The following NKAIN2 variants were observed in gnomAD, a reference collection of about 807,000 sequenced individuals.
NKAIN2 encodes sodium/potassium transporting ATPase interacting 2, also known as sodium/potassium-transporting ATPase subunit beta-1-interacting protein 2.
NKAIN2 carries 14 observed loss-of-function variants against 32.6 expected under a neutral mutation model. The observed-to-expected ratio is 0.43, with a 90% CI of 0.28 to 0.67. NKAIN2 has a LOEUF of 0.67. NKAIN2 is among the 30% of genes least tolerant of loss of function. The pLI is 0.17. For synonymous variants in NKAIN2, 80 were observed against 87.2 expected, an observed-to-expected ratio of 0.92 and a Z score of 0.46; for missense variants, 198 against 258.3, an observed-to-expected ratio of 0.77 and a Z score of 1.60.
At chr6:124,139,825 G>C (rs1787046865) in intron 1 of NKAIN2, among the ~76,000 whole-genome samples, 1 of 152,098 alleles carries the variant, frequency 6.6e-6, no homozygotes, top group South Asian at 2.1e-4. Flanking sequence ...GGGAGAAGAA[G>C]GATATTTATT....
intron 4 of NKAIN2, among the ~76,000 whole-genome samples, chr6:124,661,495 T>A (rs1429081218): frequency 6.6e-6 from 1 of 152,220 alleles, no homozygotes; most frequent in Non-Finnish European, 1.5e-5. Flanking sequence ...AACTCCTGGC[T>A]GATTCTGAAA....
chr6:124,154,920 A>G (rs1787906805), intron 1 of NKAIN2, among the ~76,000 whole-genome samples: 1 of 152,122 alleles, frequency 6.6e-6, no homozygotes, highest in Non-Finnish European at 1.5e-5. Flanking sequence ...AGAGATATAT[A>G]TGAAAATGTG....
chr6:124,199,457 C>G (rs1445128751), intron 1 of NKAIN2, among the ~76,000 whole-genome samples: 1 of 152,140 alleles, frequency 6.6e-6, no homozygotes, highest in Non-Finnish European at 1.5e-5. Context: ...ATTCTCACTC[C>G]TAAATTATGT....
rs1174313999 is a variant in NKAIN2, at chr6:124,392,114, A to AT, written c.273+36774dup. On this transcript the variant is annotated intron_variant, in intron 3 of 6. Transcript: ENST00000368417. The stretch of plus-strand genomic sequence containing the variant: ...TCCTTTTCTAATATCACTATTATAT[A>AT]TTTTTTTCCTGAATCAAAAGTGCTT... Among the ~76,000 whole-genome samples the AT allele has an allele frequency of 7.2e-5, 11 of 152,064 alleles. No individual in the cohort carries two copies. In the East Asian group the frequency reaches 1.7e-3, roughly 24 times the overall value.
chr6:124,456,537 G>A (rs1054537068), intron 3 of NKAIN2, among the ~76,000 whole-genome samples: 10 of 151,948 alleles, frequency 6.6e-5, no homozygotes, highest in Middle Eastern at 3.4e-3. Context: ...ATCTAATAAC[G>A]TGGAATATGT....
chr6:123,954,318 C>T lies in NKAIN2; in HGVS notation c.54+150064C>T, dbSNP rs577712161. On this transcript the variant is annotated intron_variant, in intron 1 of 6. Coordinates refer to ENST00000368417, the MANE Select transcript of NKAIN2 (RefSeq NM_001040214.3). ...CCTTCCTATGGTCTTCAGGCAGATC[C>T]CTGTATTTGTTTTGGGGCCATCAGG... is the stretch of plus-strand genomic sequence containing the variant. Among the ~76,000 whole-genome samples the T allele has an allele frequency of 4.6e-5, 7 of 152,290 alleles. No homozygotes were observed. In the South Asian group the frequency reaches 1.5e-3, roughly 32 times the overall value.
intron 1 of NKAIN2, among the ~76,000 whole-genome samples, chr6:124,158,905 G>C (rs555906379): frequency 6.6e-6 from 1 of 152,262 alleles, no homozygotes; most frequent in East Asian, 1.9e-4. Flanking sequence ...CGGAGTCACA[G>C]AGACCTGATT....
At chr6:124,576,969 T>C (rs2114931018) in intron 3 of NKAIN2, among the ~76,000 whole-genome samples, 1 of 152,288 alleles carries the variant, frequency 6.6e-6, no homozygotes, top group Non-Finnish European at 1.5e-5. Context: ...AAATGATACA[T>C]TGGGATTTGT....
intron 1 of NKAIN2, among the ~76,000 whole-genome samples, chr6:124,200,498 A>T (rs570142627): frequency 1.6e-4 from 25 of 152,196 alleles, no homozygotes; most frequent in South Asian, 1.0e-3. Context: ...ATTCAAACAA[A>T]ACCCTAAAAA....
At chr6:124,581,743 A>G (rs1458285237) in intron 3 of NKAIN2, among the ~76,000 whole-genome samples, 1 of 152,204 alleles carries the variant, frequency 6.6e-6, no homozygotes, top group Non-Finnish European at 1.5e-5. Context: ...ATTAAACAAT[A>G]TGCTCCTGAG....
intron 3 of NKAIN2, among the ~76,000 whole-genome samples, chr6:124,458,804 G>A (rs1367214786): frequency 6.6e-6 from 1 of 151,704 alleles, no homozygotes; most frequent in Non-Finnish European, 1.5e-5. Context: ...AGAAACAAAT[G>A]TGTAAACTTG....
intron 3 of NKAIN2, among the ~76,000 whole-genome samples, chr6:124,363,665 A>C (rs1799392337): frequency 1.3e-5 from 2 of 152,236 alleles, no homozygotes; most frequent in Non-Finnish European, 2.9e-5. Flanking sequence ...AGCCAGGGGC[A>C]AACCAAATAC....
intron 1 of NKAIN2, among the ~76,000 whole-genome samples, chr6:123,989,285 C>G (rs1408359098): frequency 1.3e-5 from 2 of 152,016 alleles, no homozygotes; most frequent in East Asian, 1.9e-4. Flanking sequence ...TTCAGAGAGG[C>G]CTAATTGAGT....
intron 4 of NKAIN2, among the ~76,000 whole-genome samples, chr6:124,758,742 C>A (rs1053689490): frequency 6.6e-6 from 1 of 152,144 alleles, no homozygotes; most frequent in Non-Finnish European, 1.5e-5. Flanking sequence ...TCAATGGTTC[C>A]TCATTGTCCA....
intron 1 of NKAIN2, among the ~76,000 whole-genome samples, chr6:123,990,063 C>T (rs1779344928): frequency 6.6e-6 from 1 of 152,108 alleles, no homozygotes; most frequent in South Asian, 2.1e-4. Flanking sequence ...ACTTTCTTCA[C>T]AGAATGGCAG....
chr6:124,807,254 G>A (rs1299868094), intron 5 of NKAIN2, among the ~76,000 whole-genome samples: 2 of 152,120 alleles, frequency 1.3e-5, no homozygotes, highest in African/African-American at 4.8e-5. Context: ...GCACTCCTCA[G>A]CACATGTAAA....
intron 4 of NKAIN2, among the ~76,000 whole-genome samples, chr6:124,782,514 G>A (rs1054816081): frequency 3.1e-4 from 47 of 152,056 alleles, no homozygotes; most frequent in African/African-American, 1.1e-3. Context: ...ATCTGGCCTT[G>A]TGTTCCCATT....
At chr6:124,776,304 C>T (rs181009339) in intron 4 of NKAIN2, among the ~76,000 whole-genome samples, 1 of 152,306 alleles carries the variant, frequency 6.6e-6, no homozygotes, top group East Asian at 1.9e-4. Flanking sequence ...TGGCTTCTTG[C>T]TGACAGTACC....
intron 2 of NKAIN2, among the ~76,000 whole-genome samples, chr6:124,350,297 C>T (rs912920401): frequency 6.6e-6 from 1 of 151,708 alleles, no homozygotes; most frequent in African/African-American, 2.4e-5. Context: ...GGTTTATTGA[C>T]AAAAATCATA....
Sources: allele counts gnomAD v4.1 joint callset (sites outside exome capture counted in the v4.1 genomes callset), GRCh38; gene constraint gnomAD v4.1.1; transcripts MANE v1.5; gene names NCBI Gene and HGNC (gene_info 2026-07-23, HGNC 2026-07-21).